DLC1: variants seen among roughly 807,000 people sequenced by gnomAD.
DLC1 encodes rho GTPase-activating protein 7.
DLC1 carries 54 observed loss-of-function variants against 140.3 expected under a neutral mutation model. The ratio of observed to expected loss-of-function variants is 0.38; its 90% CI spans 0.31 to 0.48. DLC1 has a LOEUF of 0.48. Among genes scored for constraint, DLC1 ranks in the 20% least tolerant of loss-of-function variants. The pLI is 0.96. For missense variants in DLC1, 2,536 were observed against 1,907.0 expected (o/e 1.33, Z -6.14); for synonymous variants, 986 against 728.1 (o/e 1.35, Z -5.70).
At chr8:13,133,067 C>A in intron 5 of DLC1, 3 of 1,551,800 alleles carry the variant, frequency 1.9e-6, no homozygotes, top group South Asian at 1.2e-5. Context: ...CCCACGGCGG[C>A]ACCCGAGACG....
intron 5 of DLC1, among the ~76,000 whole-genome samples, chr8:13,290,596 T>TTAA (rs1008986354): frequency 6.6e-6 from 1 of 152,074 alleles, no homozygotes; most frequent in Non-Finnish European, 1.5e-5. Context: ...GAAAAATGTC[T>TTAA]TAATAATAAT....
chr8:13,438,095 T>C (rs923434880), intron 2 of DLC1, among the ~76,000 whole-genome samples: 1 of 152,030 alleles, frequency 6.6e-6, no homozygotes, highest in Non-Finnish European at 1.5e-5. Context: ...AATACTTTTC[T>C]CTAAAGCAAT....
intron 5 of DLC1, among the ~76,000 whole-genome samples, chr8:13,300,689 C>T (rs767540427): frequency 3.3e-5 from 5 of 152,090 alleles, no homozygotes; most frequent in Non-Finnish European, 7.3e-5. Flanking sequence ...AATGATACTG[C>T]GTCTGAATAA....
chr8:13,175,681 T>G (rs116035038), intron 5 of DLC1, among the ~76,000 whole-genome samples: 2,540 of 152,312 alleles, frequency 0.017, 67 homozygotes, highest in African/African-American at 0.058. Context: ...AATTAACTAA[T>G]AGACCGCAGA....
At chr8:13,356,484 T>G (rs207468945) in intron 4 of DLC1, among the ~76,000 whole-genome samples, 5 of 152,270 alleles carry the variant, frequency 3.3e-5, no homozygotes, top group Admixed American at 3.3e-4. Context: ...AATTATCTTT[T>G]CAGGTCCCAC....
intron 5 of DLC1, among the ~76,000 whole-genome samples, chr8:13,269,955 T>C (rs1333343910): frequency 6.7e-6 from 1 of 149,430 alleles, no homozygotes; most frequent in African/African-American, 2.5e-5. Flanking sequence ...TAGTCCCAGC[T>C]ACTCAGGAGG....
intron 5 of DLC1, among the ~76,000 whole-genome samples, chr8:13,145,228 A>C (rs954442773): frequency 6.6e-6 from 1 of 152,268 alleles, no homozygotes; most frequent in African/African-American, 2.4e-5. Flanking sequence ...ATTAGCAAAG[A>C]AGAAAGTCTA....
In DLC1 at chr8:13,175,686, C is replaced by T. The variant is rs760631385; in HGVS notation, c.1349-60029G>A. On this transcript the variant is annotated intron_variant, in intron 5 of 17. Transcript: ENST00000276297. ...GGCATAATACAATTAACTAATAGACCGCAGACTTGAGTCAGATTTTACCAA... is the reference window on the plus strand; with the variant it reads ...GGCATAATACAATTAACTAATAGACTGCAGACTTGAGTCAGATTTTACCAA... 7.7e-4 allele frequency among the ~76,000 whole-genome samples: 117 copies of T among 152,196 alleles called. 2 individuals carry two copies. Among genetic ancestry groups the T allele is most frequent in the Non-Finnish European group, 1.1e-3 (78 of 68,014 alleles).
intron 3 of DLC1, among the ~76,000 whole-genome samples, chr8:13,394,866 T>G (rs1836946980): frequency 6.6e-6 from 1 of 152,170 alleles, no homozygotes; most frequent in African/African-American, 2.4e-5. Context: ...CCCCTTCTTG[T>G]CACTCTGTTG....
chr8:13,317,619 TG>T (rs558807168), intron 4 of DLC1, among the ~76,000 whole-genome samples: 96 of 152,180 alleles, frequency 6.3e-4, no homozygotes, highest in Middle Eastern at 3.4e-3. Flanking sequence ...GCATCTGTAT[TG>T]GGCTGTGTCT....
intron 4 of DLC1, among the ~76,000 whole-genome samples, chr8:13,388,884 G>A (rs79772013): frequency 0.023 from 3,515 of 152,034 alleles, 75 homozygotes; most frequent in South Asian, 0.085. Context: ...TTATTGTTCA[G>A]TAAAACTCTT....
chr8:13,286,766 A>C (rs1009096475), intron 5 of DLC1, among the ~76,000 whole-genome samples: 6 of 151,712 alleles, frequency 4.0e-5, no homozygotes, highest in South Asian at 2.1e-4. Context: ...TGAAACTCTT[A>C]CTCTTTTGAT....
intron 2 of DLC1, among the ~76,000 whole-genome samples, chr8:13,486,704 C>T (rs1035813997): frequency 2.1e-5 from 3 of 139,646 alleles, no homozygotes; most frequent in African/African-American, 5.4e-5. Flanking sequence ...GTGTTTCATC[C>T]ATATTTGTTT....
intron 5 of DLC1, among the ~76,000 whole-genome samples, chr8:13,274,888 G>A (rs1831098426): frequency 6.6e-6 from 1 of 152,116 alleles, no homozygotes; most frequent in South Asian, 2.1e-4. Flanking sequence ...CTTTTAAATT[G>A]TCAACCAATT....
chr8:13,395,669 A>G (rs957220765), intron 3 of DLC1, among the ~76,000 whole-genome samples: 1 of 152,200 alleles, frequency 6.6e-6, no homozygotes, highest in East Asian at 1.9e-4. Context: ...AAAAGCATCA[A>G]AACTAAATTT....
At chr8:13,411,922 T>G (rs543671273) in intron 2 of DLC1, among the ~76,000 whole-genome samples, 2 of 152,288 alleles carry the variant, frequency 1.3e-5, no homozygotes, top group African/African-American at 4.8e-5. Flanking sequence ...AATGCTTAGG[T>G]AAAAGTTGAT....
chr8:13,201,155 C>T (rs1181155017), intron 5 of DLC1, among the ~76,000 whole-genome samples: 1 of 149,330 alleles, frequency 6.7e-6, no homozygotes, highest in Non-Finnish European at 1.5e-5. Flanking sequence ...AAAAAGCCAA[C>T]AGCCTGTTTC....
chr8:13,531,219 G>T (rs957487998), intron 1 of DLC1, among the ~76,000 whole-genome samples: 2 of 152,160 alleles, frequency 1.3e-5, no homozygotes, highest in African/African-American at 2.4e-5. Flanking sequence ...AAACCACCCA[G>T]TCTATAATAA....
intron 4 of DLC1, among the ~76,000 whole-genome samples, chr8:13,360,986 T>A (rs1835199610): frequency 6.6e-6 from 1 of 152,036 alleles, no homozygotes; most frequent in South Asian, 2.1e-4. Context: ...ATCTCAATAC[T>A]TGGGGAGGTT....
Sources: allele counts gnomAD v4.1 joint callset (sites outside exome capture counted in the v4.1 genomes callset), GRCh38; gene constraint gnomAD v4.1.1; transcripts MANE v1.5; gene names NCBI Gene and HGNC (gene_info 2026-07-23, HGNC 2026-07-21).